UBE2H: variants seen among roughly 807,000 people sequenced by gnomAD.
UBE2H encodes the protein ubiquitin-conjugating enzyme E2 H.
Under a neutral mutation model 29.0 loss-of-function variants are expected in UBE2H, and 3 were observed. The observed-to-expected ratio is 0.10, with a 90% CI of 0.05 to 0.27. UBE2H has a LOEUF of 0.27. Ranked by LOEUF, UBE2H falls within the 10% of genes least tolerant of loss-of-function variation. The pLI is 1.00. For missense variants in UBE2H, 68 were observed against 228.2 expected, an observed-to-expected ratio of 0.30 and a Z score of 4.52; for synonymous variants, 69 against 82.9, an observed-to-expected ratio of 0.83 and a Z score of 0.91.
Position 129,833,084 on chromosome 7 carries a change from A to C in UBE2H, c.*1853T>G, listed in dbSNP as rs1229442664. The C allele has an allele frequency of 6.6e-6, 1 of 152,074 alleles. No individual in the cohort carries two copies. The highest frequency in any genetic ancestry group is 1.5e-5 in the Non-Finnish European group (1 of 67,960). 9.4% of individuals were successfully genotyped at this position (152,074 alleles called of 1,614,324 possible). A position where few individuals can be genotyped will look rare whatever the true frequency, so the allele number is the denominator to read the frequency against. ...AGTACGGTTAACTAACCACAGCCCT[A>C]CATCACTGCACTTTTTTTTTTTTTT... On this transcript the variant is annotated 3_prime_UTR_variant, in exon 7 of 7. Transcript: ENST00000355621.
At chr7:129,858,774 A>G (rs1351908537) in intron 4 of UBE2H, 128 bp downstream of exon 4, 2 of 772,168 alleles carry the variant, frequency 2.6e-6, no homozygotes, top group South Asian at 3.3e-5. Flanking sequence ...TATCATTTAC[A>G]TGACCATTCA....
At chr7:129,911,787 G>T (rs1806943330) in intron 1 of UBE2H, among the ~76,000 whole-genome samples, 1 of 152,034 alleles carries the variant, frequency 6.6e-6, no homozygotes, top group Non-Finnish European at 1.5e-5. Flanking sequence ...CTACAGGTGT[G>T]TGCCACCATG....
intron 1 of UBE2H, among the ~76,000 whole-genome samples, chr7:129,915,989 C>T (rs1276828203): frequency 6.6e-6 from 1 of 152,196 alleles, no homozygotes; most frequent in Non-Finnish European, 1.5e-5. Flanking sequence ...CTAAAATGTA[C>T]ATTTCATATA....
At chr7:129,857,247 G>T in intron 5 of UBE2H, 1 of 465,794 alleles carries the variant, frequency 2.1e-6, no homozygotes, top group South Asian at 3.6e-5. Context: ...TCATGTGTGT[G>T]CGCATGTACT....
intron 1 of UBE2H, among the ~76,000 whole-genome samples, chr7:129,918,213 G>A (rs144325482): frequency 3.3e-5 from 5 of 152,170 alleles, no homozygotes; most frequent in East Asian, 1.9e-4. Flanking sequence ...ATACATGCAC[G>A]CACATACAGT....
intron 3 of UBE2H, among the ~76,000 whole-genome samples, chr7:129,868,216 C>T (rs1341685469): frequency 6.6e-6 from 1 of 152,126 alleles, no homozygotes; most frequent in Non-Finnish European, 1.5e-5. Flanking sequence ...ACCTAGGCAG[C>T]AAGTGTGATG....
At chr7:129,920,096 TTATTTTTAAATGAAGGGA>T (rs1807126290) in intron 1 of UBE2H, among the ~76,000 whole-genome samples, 1 of 152,226 alleles carries the variant, frequency 6.6e-6, no homozygotes, top group South Asian at 2.1e-4. Context: ...CCTGATCAGC[TTATTTTTAAATGAAGGGA>T]TATTTATTCA....
chr7:129,845,233 C>G (rs908828879), intron 5 of UBE2H, among the ~76,000 whole-genome samples: 4 of 152,138 alleles, frequency 2.6e-5, no homozygotes, highest in African/African-American at 9.7e-5. Flanking sequence ...TGGAGTTTTT[C>G]CAAAAACTTG....
intron 3 of UBE2H, among the ~76,000 whole-genome samples, chr7:129,869,489 T>G (rs1805984753): frequency 6.6e-6 from 1 of 152,176 alleles, no homozygotes. Flanking sequence ...CCCTCTTATC[T>G]TCACTGGCTT....
At chr7:129,915,370 T>G (rs1397549404) in intron 1 of UBE2H, among the ~76,000 whole-genome samples, 2 of 151,962 alleles carry the variant, frequency 1.3e-5, no homozygotes, top group African/African-American at 4.8e-5. Flanking sequence ...CCCCGTCCAC[T>G]AAAAATACAA....
At chr7:129,870,395 C>T (rs1383939431) in intron 3 of UBE2H, among the ~76,000 whole-genome samples, 1 of 152,184 alleles carries the variant, frequency 6.6e-6, no homozygotes, top group African/African-American at 2.4e-5. Flanking sequence ...GTGGGCAGAT[C>T]GCTTGAGTAT....
chr7:129,867,066 G>A (rs1025579835), intron 3 of UBE2H, among the ~76,000 whole-genome samples: 3 of 152,180 alleles, frequency 2.0e-5, no homozygotes, highest in Non-Finnish European at 2.9e-5. Flanking sequence ...TCTTACAAGT[G>A]TGAAGAACAT....
At chr7:129,886,474 A>G (rs2693747) in intron 1 of UBE2H, among the ~76,000 whole-genome samples, 144,986 of 152,258 alleles carry the variant, frequency 0.95, 69,321 homozygotes, top group East Asian at 1. Flanking sequence ...AGCCAAAGGC[A>G]ATGTCTGGGC....
chr7:129,902,602 C>T (rs111241816), intron 1 of UBE2H, among the ~76,000 whole-genome samples: 2 of 152,172 alleles, frequency 1.3e-5, no homozygotes, highest in African/African-American at 4.8e-5. Context: ...CCCATCTCCC[C>T]CATTTCCTAG....
At chr7:129,891,810 CAAA>C (rs60595166) in intron 1 of UBE2H, among the ~76,000 whole-genome samples, 9,420 of 145,594 alleles carry the variant, frequency 0.065, 373 homozygotes, top group Non-Finnish European at 0.093. Context: ...AAAACAAAAA[CAAA>C]AAAAAAAAAA....
At chr7:129,903,535 G>A (rs1207946676) in intron 1 of UBE2H, among the ~76,000 whole-genome samples, 2 of 152,144 alleles carry the variant, frequency 1.3e-5, no homozygotes, top group African/African-American at 2.4e-5. Context: ...GACCCAGGTG[G>A]GAGAACCACT....
chr7:129,869,104 T>C (rs1447280936), intron 3 of UBE2H, among the ~76,000 whole-genome samples: 1 of 152,032 alleles, frequency 6.6e-6, no homozygotes, highest in Admixed American at 6.6e-5. Context: ...GCCCAGCTAA[T>C]TTTGTATTTT....
intron 1 of UBE2H, among the ~76,000 whole-genome samples, chr7:129,925,078 G>A (rs1436353450): frequency 2.0e-5 from 3 of 152,134 alleles, no homozygotes; most frequent in Admixed American, 6.6e-5. Context: ...GGCCAGGCAC[G>A]GTGGTTCACG....
chr7:129,882,076 T>C (rs1806267464), intron 1 of UBE2H, among the ~76,000 whole-genome samples: 1 of 152,228 alleles, frequency 6.6e-6, no homozygotes, highest in African/African-American at 2.4e-5. Context: ...AGGGGTAACA[T>C]GGCTGTGCTC....
Sources: allele counts gnomAD v4.1 joint callset (sites outside exome capture counted in the v4.1 genomes callset), GRCh38; gene constraint gnomAD v4.1.1; transcripts MANE v1.5; gene names NCBI Gene and HGNC (gene_info 2026-07-23, HGNC 2026-07-21).